Variants in SLC30A7 observed in about 807,000 individuals in gnomAD.
SLC30A7 encodes the protein solute carrier family 30 member 7.
SLC30A7 carries 35 observed loss-of-function variants against 46.0 expected under a neutral mutation model. The observed-to-expected ratio is 0.76, with a 90% CI of 0.58 to 1.01. The LOEUF (loss-of-function observed/expected upper bound fraction) is 1.01, where lower values mean the gene tolerates loss of function less well. SLC30A7 is among the 50% of genes least tolerant of loss of function. SLC30A7 has a pLI of 0.00. For missense variants in SLC30A7, 464 were observed against 451.1 expected, an observed-to-expected ratio of 1.03 and a Z score of -0.26; for synonymous variants, 147 against 157.8, an observed-to-expected ratio of 0.93 and a Z score of 0.51.
chr1:100,977,502 A>G lies in SLC30A7; in HGVS notation c.*2645A>G, dbSNP rs985979505. On this transcript the variant is annotated 3_prime_UTR_variant, in exon 11 of 11. Coordinates refer to ENST00000357650, the MANE Select transcript of SLC30A7 (RefSeq NM_133496.5). ...GTGTTCTTGGCACATGTATATTACT[A>G]AAGTAGATAATTCCAATGAGAAATA... The G allele has an allele frequency of 6.6e-6, 1 of 152,248 alleles. No homozygotes were observed. The highest frequency in any genetic ancestry group is 1.5e-5 in the Non-Finnish European group (1 of 68,042). The allele number at this position is 152,248 out of a possible 1,614,324, so 9.4% of individuals were successfully genotyped here. A position where few individuals can be genotyped will look rare whatever the true frequency, so the allele number is the denominator to read the frequency against.
chr1:100,964,887 A>G (rs1410186272), intron 9 of SLC30A7, among the ~76,000 whole-genome samples: 1 of 152,228 alleles, frequency 6.6e-6, no homozygotes, highest in Admixed American at 6.5e-5. Context: ...TTTTTCCCCA[A>G]TAAAAGCAGT....
At chr1:100,995,600 T>C in the SLC30A7 span, 1 of 157,214 alleles carries the variant, frequency 6.4e-6, no homozygotes, top group Non-Finnish European at 1.4e-5. Flanking sequence ...TAATTTTGAA[T>C]AAATACTTTA....
Position 100,961,890 on chromosome 1 carries a change from A to G in SLC30A7, c.905A>G (p.Glu302Gly). The G allele has an allele frequency of 6.2e-7, 1 of 1,606,794 alleles. No individual in the cohort carries two copies. The highest frequency in any genetic ancestry group is 1.1e-5 in the South Asian group (1 of 90,218). Residue 302 changes from glutamate to glycine, a missense_variant, in exon 9 of 11, where the codon GAA becomes GGA. Transcript: ENST00000357650. ...ATGCAGAGAACTCCTCCCCTATTAG[A>G]AAATAGTCTGCCTCAGTGCTATCAG... ...ILMQRTPPLL[E>G]NSLPQCYQRV...
At chr1:100,985,555 A>G (rs1361642019), downstream of SLC30A7, among the ~76,000 whole-genome samples, 1 of 152,254 alleles carries the variant, frequency 6.6e-6, no homozygotes, top group Non-Finnish European at 1.5e-5. Flanking sequence ...GCATAGTATC[A>G]TAGAAGGGAG....
intron 10 of SLC30A7, among the ~76,000 whole-genome samples, chr1:100,974,546 A>G (rs978206532): frequency 6.6e-6 from 1 of 152,196 alleles, no homozygotes; most frequent in Non-Finnish European, 1.5e-5. Context: ...TAACTGTAGA[A>G]GGTGAACTGC....
At chr1:100,941,401 T>C (rs1167264753) in intron 8 of SLC30A7, 3 of 402,684 alleles carry the variant, frequency 7.5e-6, no homozygotes, top group Non-Finnish European at 1.4e-5. Flanking sequence ...TTCGGCTAGA[T>C]GAAGCACTAG....
intron 8 of SLC30A7, among the ~76,000 whole-genome samples, chr1:100,935,297 A>G (rs750786778): frequency 1.3e-5 from 2 of 152,216 alleles, no homozygotes; most frequent in South Asian, 2.1e-4. Context: ...TGGGTTCCTC[A>G]CATAGTACTT....
intron 8 of SLC30A7, among the ~76,000 whole-genome samples, chr1:100,961,386 C>G (rs1245790729): frequency 6.6e-6 from 1 of 152,194 alleles, no homozygotes; most frequent in Non-Finnish European, 1.5e-5. Flanking sequence ...GTTCATTTCA[C>G]TGCATCTGTG....
chr1:100,927,938 G>C (rs1159018423), intron 8 of SLC30A7, among the ~76,000 whole-genome samples: 1 of 152,092 alleles, frequency 6.6e-6, no homozygotes. Flanking sequence ...AAATAGAAAG[G>C]GTTGTTCAGA....
At chr1:100,903,642 G>A (rs1207857695) in intron 2 of SLC30A7, among the ~76,000 whole-genome samples, 1 of 152,050 alleles carries the variant, frequency 6.6e-6, no homozygotes, top group Non-Finnish European at 1.5e-5. Flanking sequence ...CTATATTTCA[G>A]TGGAATAAAT....
chr1:100,967,014 A>G (rs542795404), intron 10 of SLC30A7, among the ~76,000 whole-genome samples: 2 of 152,384 alleles, frequency 1.3e-5, no homozygotes, highest in South Asian at 4.1e-4. Flanking sequence ...ATGAGTTAAC[A>G]TAGCTATGTA....
intron 8 of SLC30A7, among the ~76,000 whole-genome samples, chr1:100,958,835 G>A (rs1655384817): frequency 1.3e-5 from 2 of 152,182 alleles, no homozygotes; most frequent in Non-Finnish European, 1.5e-5. Flanking sequence ...GAGGGAGGGG[G>A]AAACACAATC....
At chr1:100,958,611 T>C (rs954946116) in intron 8 of SLC30A7, among the ~76,000 whole-genome samples, 15 of 152,356 alleles carry the variant, frequency 9.8e-5, no homozygotes, top group African/African-American at 3.6e-4. Flanking sequence ...TACTTTACTT[T>C]CTTTTCTTAA....
chr1:100,959,951 C>T (rs909273335), intron 8 of SLC30A7, among the ~76,000 whole-genome samples: 1 of 151,916 alleles, frequency 6.6e-6, no homozygotes, highest in Non-Finnish European at 1.5e-5. Flanking sequence ...ATGCATAGTA[C>T]AATGAAGGGG....
At chr1:100,944,474 C>T (rs958393048) in intron 8 of SLC30A7, among the ~76,000 whole-genome samples, 2 of 151,980 alleles carry the variant, frequency 1.3e-5, no homozygotes, top group Non-Finnish European at 2.9e-5. Flanking sequence ...AAAAAATTGG[C>T]TCCTTTTGGT....
downstream of SLC30A7, among the ~76,000 whole-genome samples, chr1:100,983,402 A>AAAAC (rs776744374): frequency 2.2e-5 from 3 of 139,078 alleles, no homozygotes; most frequent in African/African-American, 5.5e-5. Context: ...AAAACAAAAC[A>AAAAC]AAACAAAAAA....
At position 100,977,437 on chromosome 1, in the gene SLC30A7, G is replaced by C. The variant is rs1656600066; in HGVS notation, c.*2580G>C. On this transcript the variant is annotated 3_prime_UTR_variant, in exon 11 of 11. Transcript: ENST00000357650. ...AGCAGTAAAAAATTAGTGAGAAAAA[G>C]CAACTTTTTGTCACTCTTAGGAAAT... The C allele has an allele frequency of 6.6e-6, 1 of 152,236 alleles. No individual in the cohort carries two copies. 9.4% of individuals were successfully genotyped at this position (152,236 alleles called of 1,614,324 possible).
At chr1:100,917,611 T>C (rs1230874582) in intron 6 of SLC30A7, among the ~76,000 whole-genome samples, 3 of 152,180 alleles carry the variant, frequency 2.0e-5, no homozygotes, top group Non-Finnish European at 4.4e-5. Context: ...TGAAAAAAAT[T>C]ATTTTTATCT....
intron 8 of SLC30A7, among the ~76,000 whole-genome samples, chr1:100,923,729 T>G (rs1317006916): frequency 6.6e-6 from 1 of 152,180 alleles, no homozygotes; most frequent in African/African-American, 2.4e-5. Context: ...CAGATAGCTA[T>G]GATGGTGCCA....
Sources: gnomAD v4.1 joint callset for allele counts (sites outside exome capture counted in the v4.1 genomes callset) on GRCh38, gnomAD v4.1.1 for gene constraint, MANE v1.5 for transcripts, NCBI Gene and HGNC (gene_info 2026-07-23, HGNC 2026-07-21) for gene names.